MALRD1: variants seen among roughly 807,000 people sequenced by gnomAD.
MALRD1 encodes MAM and LDL-receptor class A domain-containing protein 1.
MALRD1 carries 247 observed loss-of-function variants against 242.1 expected under a neutral mutation model. The observed-to-expected ratio is 1.02, with a 90% CI of 0.92 to 1.13. The LOEUF (loss-of-function observed/expected upper bound fraction) is 1.13. Ranked by LOEUF, MALRD1 falls within the 50% of genes most tolerant of loss-of-function variation. MALRD1 has a pLI of 0.00. For missense variants in MALRD1, 2,989 were observed against 2,533.1 expected, an observed-to-expected ratio of 1.18 and a Z score of -3.86; for synonymous variants, 995 against 866.6, an observed-to-expected ratio of 1.15 and a Z score of -2.60.
chr10:19,476,270 A>T (rs1836725413), intron 29 of MALRD1, among the ~76,000 whole-genome samples: 1 of 152,134 alleles, frequency 6.6e-6, no homozygotes, highest in African/African-American at 2.4e-5. Flanking sequence ...TTAGTACAGC[A>T]TTCAGTCCCA....
chr10:19,487,677 A>G (rs16918840), intron 29 of MALRD1, among the ~76,000 whole-genome samples: 18,001 of 152,164 alleles, frequency 0.12, 1,128 homozygotes, highest in African/African-American at 0.15. Flanking sequence ...AAATGTCCAC[A>G]TACTGCCCTA....
At chr10:19,542,536 T>C (rs1042637157) in intron 32 of MALRD1, among the ~76,000 whole-genome samples, 1 of 151,692 alleles carries the variant, frequency 6.6e-6, no homozygotes, top group African/African-American at 2.4e-5. Context: ...CTCCTGATGT[T>C]TTTTTTCCAA....
At chr10:19,437,288 T>C (rs946596042) in intron 28 of MALRD1, among the ~76,000 whole-genome samples, 5 of 152,104 alleles carry the variant, frequency 3.3e-5, no homozygotes, top group African/African-American at 1.2e-4. Flanking sequence ...TTATGTTTTC[T>C]TTGTTTTTGT....
intron 32 of MALRD1, among the ~76,000 whole-genome samples, chr10:19,535,988 A>G (rs1282066805): frequency 1.3e-5 from 2 of 152,214 alleles, no homozygotes; most frequent in African/African-American, 4.8e-5. Context: ...AAAAATAGGA[A>G]TGCATTCTCA....
intron 33 of MALRD1, among the ~76,000 whole-genome samples, chr10:19,586,580 C>T (rs188006295): frequency 1.0e-3 from 153 of 152,302 alleles, no homozygotes; most frequent in Middle Eastern, 6.8e-3. Context: ...GCAGTCTGCC[C>T]GTTCTCAGAT....
chr10:19,577,810 G>A (rs1836905099), intron 33 of MALRD1, among the ~76,000 whole-genome samples: 1 of 151,822 alleles, frequency 6.6e-6, no homozygotes, highest in Non-Finnish European at 1.5e-5. Flanking sequence ...CAACCATATG[G>A]AAACAATAAT....
intron 4 of MALRD1, among the ~76,000 whole-genome samples, chr10:19,101,033 A>G (rs1422380847): frequency 2.6e-5 from 4 of 151,998 alleles, no homozygotes; most frequent in Non-Finnish European, 5.9e-5. Context: ...CTATGTTACA[A>G]TAGCAGTAGT....
At chr10:19,203,606 C>G (rs1032635532) in intron 14 of MALRD1, 122 bp from the exon 15 acceptor site, 3 of 884,582 alleles carry the variant, frequency 3.4e-6, no homozygotes, top group East Asian at 5.6e-5. Flanking sequence ...TGAAATGTGT[C>G]CCTCATTGCC....
At chr10:19,361,813 T>C in intron 26 of MALRD1, among the ~76,000 whole-genome samples, 1 of 152,114 alleles carries the variant, frequency 6.6e-6, no homozygotes, top group South Asian at 2.1e-4. Flanking sequence ...ATATTTATGG[T>C]GATTTAGATC....
intron 28 of MALRD1, among the ~76,000 whole-genome samples, chr10:19,418,367 G>A (rs1333070783): frequency 6.6e-6 from 1 of 151,776 alleles, no homozygotes; most frequent in Non-Finnish European, 1.5e-5. Context: ...TGTTTTTCAA[G>A]CTAATCTCTT....
intron 32 of MALRD1, among the ~76,000 whole-genome samples, chr10:19,543,433 C>CTTTTTTTTTTTTTTTTTTTTTTTTTTTT (rs71388849): frequency 9.4e-6 from 1 of 106,410 alleles, no homozygotes; most frequent in African/African-American, 3.4e-5. Flanking sequence ...CAGCTGATTT[C>CTTTTTTTTTTTTTTTTTTTTTTTTTTTT]TTTTTTTTTT....
At chr10:19,082,480 G>C (rs1349160890) in intron 2 of MALRD1, among the ~76,000 whole-genome samples, 1 of 151,702 alleles carries the variant, frequency 6.6e-6, no homozygotes, top group Non-Finnish European at 1.5e-5. Context: ...TTATTCTTAT[G>C]ATTTCTGTAG....
intron 36 of MALRD1, among the ~76,000 whole-genome samples, chr10:19,667,066 C>G (rs1841709785): frequency 1.3e-5 from 2 of 152,150 alleles, no homozygotes; most frequent in African/African-American, 4.8e-5. Flanking sequence ...TGTAAGGATT[C>G]TTTGATATCC....
At chr10:19,047,218 C>G (rs966643155), upstream of MALRD1, among the ~76,000 whole-genome samples, 1 of 152,232 alleles carries the variant, frequency 6.6e-6, no homozygotes, top group Middle Eastern at 3.4e-3. Context: ...CAGGAACAAT[C>G]TACAGGTTCC....
At chr10:19,721,184 A>G (rs1834730432) in intron 38 of MALRD1, among the ~76,000 whole-genome samples, 1 of 152,210 alleles carries the variant, frequency 6.6e-6, no homozygotes, top group South Asian at 2.1e-4. Context: ...ATAATTAAAA[A>G]TGGAAACCCC....
chr10:19,208,385 G>A (rs1161042891), intron 17 of MALRD1, among the ~76,000 whole-genome samples: 1 of 152,206 alleles, frequency 6.6e-6, no homozygotes, highest in Admixed American at 6.5e-5. Context: ...GGGAAGAATA[G>A]TAGGGATGAG....
chr10:19,310,423 T>A (rs778487355), intron 21 of MALRD1, among the ~76,000 whole-genome samples: 1 of 151,524 alleles, frequency 6.6e-6, no homozygotes, highest in Admixed American at 6.6e-5. Flanking sequence ...AGTATGATGA[T>A]TAATTGGAAA....
chr10:19,257,012 A>C (rs1438531483), intron 18 of MALRD1, among the ~76,000 whole-genome samples: 1 of 151,998 alleles, frequency 6.6e-6, no homozygotes, highest in Admixed American at 6.6e-5. Context: ...GTAAATCTCA[A>C]CCCTAATCAC....
chr10:19,309,021 T>C (rs1326540271), intron 21 of MALRD1, among the ~76,000 whole-genome samples: 5 of 151,664 alleles, frequency 3.3e-5, no homozygotes, highest in South Asian at 2.1e-4. Context: ...GTATTGCAAA[T>C]CAGAATTAAG....
Sources: allele counts gnomAD v4.1 joint callset (sites outside exome capture counted in the v4.1 genomes callset), GRCh38; gene constraint gnomAD v4.1.1; transcripts MANE v1.5; gene names NCBI Gene and HGNC (gene_info 2026-07-23, HGNC 2026-07-21).